MLXIPL: variants seen among roughly 807,000 people sequenced by gnomAD.
The protein encoded by MLXIPL is MLX interacting protein like, also known as carbohydrate-responsive element-binding protein.
In MLXIPL, 49 loss-of-function variants were observed where a neutral mutation model predicts 81.5. The ratio of observed to expected loss-of-function variants is 0.60; its 90% CI spans 0.48 to 0.76. The LOEUF is 0.76. MLXIPL is among the 30% of genes least tolerant of loss of function. The pLI, the probability that MLXIPL is intolerant of heterozygous loss-of-function variation, is 0.00. For missense variants in MLXIPL, 1,053 were observed against 1,167.0 expected (o/e 0.90, Z 1.42); for synonymous variants, 466 against 485.5 (o/e 0.96, Z 0.53).
At chr7:73,606,381 C>A in intron 5 of MLXIPL, 7 of 503,312 alleles carry the variant, frequency 1.4e-5, no homozygotes, top group East Asian at 3.3e-5. Flanking sequence ...GACCCCAGTT[C>A]TTTGGTCCCT....
chr7:73,593,903 G>A lies in MLXIPL; in HGVS notation c.2521C>T (p.Arg841Trp), dbSNP rs66489924. 11,025 of 1,614,088 alleles carry A rather than the reference G, an allele frequency of 6.8e-3. 52 individuals are homozygous for A. Among genetic ancestry groups the A allele is most frequent in the Non-Finnish European group, 8.6e-3 (10,091 of 1,179,984 alleles). The part of the protein sequence containing the change: ...DPGRIPEQAT[R>W]AVTEGTLGKP... The stretch of plus-strand genomic sequence containing the variant: ...CCAAGGGTGCCCTCTGTGACTGCCC[G>A]TGTGGCTTGCTCAGGGATGCGGCCC... The change falls in exon 17 of 17, where the codon CGG becomes TGG. Residue 841 changes from arginine to tryptophan, a missense_variant. Arg to Trp is a moderately radical substitution (Grantham distance 101). Around this residue, in one of 3 missense-constraint regions of MLXIPL, gnomAD observed 823 missense variants for 933.0 expected, o/e 0.88. Coordinates refer to ENST00000313375, the MANE Select transcript of MLXIPL (RefSeq NM_032951.3).
chr7:73,593,589 C>G lies in MLXIPL; in HGVS notation c.*276G>C. The G allele has an allele frequency of 2.4e-6, 1 of 422,806 alleles. No individual in the cohort carries two copies. The allele number at this position is 422,806 out of a possible 1,614,324, so 26.2% of individuals were successfully genotyped here. On this transcript the variant is annotated 3_prime_UTR_variant, in exon 17 of 17. Transcript: ENST00000313375. ...TCTGCTGATTGAACCTTCCCCATCC[C>G]CATTTTGCAGATTGAAACACAGCGG...
Position 73,616,071 on chromosome 7 carries a change from A to G in MLXIPL, c.400T>C (p.Tyr134His). The change falls in exon 2 of 17, where the codon TAT becomes CAT. Residue 134 changes from tyrosine to histidine, a missense_variant and splice_region_variant. Physicochemically the swap from Tyr to His is moderately conservative, Grantham distance 83 (BLOSUM62 2). Transcript: ENST00000313375. ...NAIWRAWYIQ[Y>H]VKRRKSPVCG... ...TGGGAGGCTGGTGGTAGCCACTCAC[A>G]CTGGATATACCAGGCCCTCCAGATG... The G allele has an allele frequency of 1.2e-6, 2 of 1,613,198 alleles. No individual in the cohort carries two copies. Among genetic ancestry groups the G allele is most frequent in the Non-Finnish European group, 1.7e-6 (2 of 1,179,262 alleles).
At chr7:73,643,004 T>G in the MLXIPL span, among the ~76,000 whole-genome samples, 1 of 152,148 alleles carries the variant, frequency 6.6e-6, no homozygotes, top group African/African-American at 2.4e-5. Context: ...AAGACACTCT[T>G]AGCATTCTGG....
chr7:73,605,612 G>A, intron 7 of MLXIPL, 76 bp downstream of exon 7: 1 of 1,348,780 alleles, frequency 7.4e-7, no homozygotes, highest in Non-Finnish European at 1.1e-6. Flanking sequence ...CTCCCAGAGG[G>A]GCCTGGGATG....
At chr7:73,635,654 C>T in the MLXIPL span, among the ~76,000 whole-genome samples, 406 of 151,916 alleles carry the variant, frequency 2.7e-3, no homozygotes, top group Non-Finnish European at 4.3e-3. Context: ...ATCAATCCAT[C>T]TCTTCTATCT....
At chr7:73,616,369 C>T (rs1796009459) in intron 1 of MLXIPL, among the ~76,000 whole-genome samples, 192 bp from the exon 2 acceptor site, 1 of 152,146 alleles carries the variant, frequency 6.6e-6, no homozygotes, top group Non-Finnish European at 1.5e-5. Flanking sequence ...TTCCAGACTC[C>T]CACCAGCGGC....
chr7:73,636,045 CGGCCG>C, the MLXIPL span, among the ~76,000 whole-genome samples: 1 of 152,160 alleles, frequency 6.6e-6, no homozygotes, highest in Non-Finnish European at 1.5e-5. Context: ...CAGTTAAGGG[CGGCCG>C]GACTTGCAGC....
chr7:73,594,372 G>T lies in MLXIPL; in HGVS notation c.2342C>A (p.Ser781Tyr). Residue 781 changes from serine to tyrosine, a missense_variant, in exon 16 of 17, where the codon TCC becomes TAC. This residue lies in a region of MLXIPL where 823 missense variants were observed against 933.0 expected (regional missense o/e 0.88). Transcript: ENST00000313375. Reference protein sequence around the residue: ...FSILIRPLFESFNGMVSTASV... With the variant: ...FSILIRPLFEYFNGMVSTASV... ...TGCCGTGGACACCATCCCGTTGAAG[G>T]ACTCAAACAGAGGCCGGATGAGGAT... 6.2e-7 allele frequency: 1 copy of T among 1,606,674 alleles called. No homozygotes were observed.
At chr7:73,599,845 T>G in intron 7 of MLXIPL, 150 bp from the exon 8 acceptor site, 4 of 734,164 alleles carry the variant, frequency 5.4e-6, no homozygotes, top group Non-Finnish European at 4.5e-6. Flanking sequence ...CAGAAGATTG[T>G]GAAACTGGGA....
rs1208756149 is a variant in MLXIPL at position 73,594,102 on chromosome 7, G to C, written c.2441-119C>G. 3 of 1,379,028 alleles carry C rather than the reference G, an allele frequency of 2.2e-6. No homozygotes were observed. The East Asian group carries it at 6.9e-5, about 32-fold the overall frequency. The allele number at this position is 1,379,028 out of a possible 1,614,324, so 85.4% of individuals were successfully genotyped here. ...TTGGCAAGACTGTCACCCCCTCCTA[G>C]AACCTCTGTCTACAGGCGTCTGGTG... On this transcript the variant is annotated intron_variant, in intron 16 of 16. Transcript: ENST00000313375.
chr7:73,606,540 C>G, intron 5 of MLXIPL: 2 of 313,910 alleles, frequency 6.4e-6, no homozygotes, highest in East Asian at 8.1e-5. Context: ...ATTCTCCTGT[C>G]TCAGCCTCCT....
chr7:73,614,242 A>AC (rs142943366), intron 2 of MLXIPL, among the ~76,000 whole-genome samples: 475 of 142,538 alleles, frequency 3.3e-3, no homozygotes, highest in Middle Eastern at 0.014. Flanking sequence ...AACCAAACAA[A>AC]CCCCCCCCAC....
the MLXIPL span, among the ~76,000 whole-genome samples, chr7:73,636,605 C>A: frequency 6.6e-6 from 1 of 152,062 alleles, no homozygotes; most frequent in African/African-American, 2.4e-5. Context: ...GCACAGGCAG[C>A]CACCCTGTGA....
At chr7:73,620,577 GAAAAA>G (rs35474276) in intron 1 of MLXIPL, among the ~76,000 whole-genome samples, 1 of 85,892 alleles carries the variant, frequency 1.2e-5, no homozygotes, top group Non-Finnish European at 2.3e-5. Context: ...CACCTGTACT[GAAAAA>G]AAAAAAAAAA....
At chr7:73,613,130 T>C (rs1795803088) in intron 2 of MLXIPL, among the ~76,000 whole-genome samples, 1 of 152,092 alleles carries the variant, frequency 6.6e-6, no homozygotes, top group African/African-American at 2.4e-5. Flanking sequence ...CCGACATTAG[T>C]GGCGTCAAGC....
chr7:73,608,372 G>A (rs187795578), intron 2 of MLXIPL, among the ~76,000 whole-genome samples: 2 of 151,906 alleles, frequency 1.3e-5, no homozygotes, highest in South Asian at 2.1e-4. Flanking sequence ...GGTGAATAAC[G>A]AGGCCAGGAG....
chr7:73,607,780 C>A, intron 2 of MLXIPL, 108 bp from the exon 3 acceptor site: 1 of 941,920 alleles, frequency 1.1e-6, no homozygotes, highest in Non-Finnish European at 1.6e-6. Context: ...TGGCCTTTGA[C>A]GTTCAGATTA....
chr7:73,637,244 G>A, the MLXIPL span, among the ~76,000 whole-genome samples: 1 of 151,726 alleles, frequency 6.6e-6, no homozygotes, highest in Non-Finnish European at 1.5e-5. Context: ...TTGGCAGGCC[G>A]AGGCAAGAGG....
Sources: gnomAD v4.1 joint callset for allele counts (sites outside exome capture counted in the v4.1 genomes callset) on GRCh38, gnomAD v4.1.1 for gene constraint, gnomAD v4.1.1 regional missense constraint, MANE v1.5 for transcripts, NCBI Gene and HGNC (gene_info 2026-07-23, HGNC 2026-07-21) for gene names.